ZNF723: variants seen among roughly 807,000 people sequenced by gnomAD.
ZNF723 encodes zinc finger protein 723, pseudogene.
In ZNF723, 5 loss-of-function variants were observed where a neutral mutation model predicts 9.4. The ratio of observed to expected loss-of-function variants is 0.53; its 90% confidence interval spans 0.28 to 1.12. The LOEUF is 1.12. Among genes scored for constraint, ZNF723 ranks in the 50% most tolerant of loss-of-function variants. The pLI is 0.10. For missense variants in ZNF723, 450 were observed against 501.5 expected, an observed-to-expected ratio of 0.90 and a Z score of 0.98; for synonymous variants, 158 against 168.8, an observed-to-expected ratio of 0.94 and a Z score of 0.49.
intron 1 of ZNF723, among the ~76,000 whole-genome samples, chr19:22,839,019 T>C (rs187492145): frequency 3.5e-3 from 539 of 152,310 alleles, no homozygotes; most frequent in Non-Finnish European, 5.9e-3. Context: ...AATGCTGGGA[T>C]TACGGGCATG....
the ZNF723 span, among the ~76,000 whole-genome samples, chr19:22,821,205 C>T: frequency 6.6e-6 from 1 of 152,188 alleles, no homozygotes; most frequent in Non-Finnish European, 1.5e-5. Context: ...TTTTGAATCT[C>T]ATTTCTGGAC....
chr19:22,814,157 G>T, the ZNF723 span, among the ~76,000 whole-genome samples: 1 of 151,964 alleles, frequency 6.6e-6, no homozygotes, highest in African/African-American at 2.4e-5. Flanking sequence ...GAAGGCTCTT[G>T]TATCTGGATT....
intron 1 of ZNF723, among the ~76,000 whole-genome samples, chr19:22,841,468 T>A (rs929692223): frequency 1.3e-5 from 2 of 152,206 alleles, no homozygotes; most frequent in African/African-American, 4.8e-5. Context: ...TTCTTTCTGT[T>A]CTATCATTTT....
At position 22,857,638 on chromosome 19, in the gene ZNF723, A is replaced by G; in HGVS notation, c.747A>G (p.Arg249=). ...NVSSSLNNHK[R]IHTGEKPYKC... ...CCTCAAGCCTTAATAATCATAAGAG[A>G]ATTCATACTGGAGAGAAACCCTACA... The change falls in exon 4 of 4, where the codon AGA becomes AGG. Residue 249 remains arginine, a synonymous_variant. Coordinates refer to ENST00000600766, the MANE Select transcript of ZNF723 (RefSeq NM_001349726.2). The G allele has an allele frequency of 7.8e-7, 1 of 1,276,426 alleles. No individual in the cohort carries two copies. Among genetic ancestry groups the G allele is most frequent in the Non-Finnish European group, 1.1e-6 (1 of 873,088 alleles). 79.1% of individuals were successfully genotyped at this position (1,276,426 alleles called of 1,614,324 possible). A position where few individuals can be genotyped will look rare whatever the true frequency, so the allele number is the denominator to read the frequency against.
chr19:22,853,697 C>T lies in ZNF723; in HGVS notation c.227-3421C>T, dbSNP rs184799816. 2.2e-4 allele frequency among the ~76,000 whole-genome samples: 34 copies of T among 152,296 alleles called. No individual in the cohort carries two copies. The East Asian group carries it at 6.2e-3, about 28-fold the overall frequency. On this transcript the variant is annotated intron_variant, in intron 3 of 3. Coordinates refer to ENST00000600766, the MANE Select transcript of ZNF723 (RefSeq NM_001349726.2). Reference sequence around the variant, plus strand: ...GGAGTGCAATGGCCTGATCTTGGCTCAGTGCAACCTCCTCCTCCCAGGTGA... The same window carrying T: ...GGAGTGCAATGGCCTGATCTTGGCTTAGTGCAACCTCCTCCTCCCAGGTGA...
rs1967514251 is a variant in ZNF723 at position 22,858,319 on chromosome 19, TAG to T, written c.1434_1435del (p.Lys479AlafsTer5). The T allele has an allele frequency of 8.8e-7, 1 of 1,141,268 alleles. No individual in the cohort carries two copies. The highest frequency in any genetic ancestry group is 1.8e-5 in the Admixed American group (1 of 55,242). 70.7% of individuals were successfully genotyped at this position (1,141,268 alleles called of 1,614,324 possible). On this transcript the variant is annotated frameshift_variant, in exon 4 of 4. Coordinates refer to ENST00000600766, the MANE Select transcript of ZNF723 (RefSeq NM_001349726.2). LOFTEE classifies it low-confidence loss of function (END_TRUNC). ...TTAATAAACATAAGATAATTCATGC[TAG>T]AGAGAAGCCTTACAAATGTGAAGAA... ...TLNKHKIIHAREKPYKCEECG... is the reference protein window; with the variant it reads ...TLNKHKIIHAXEKPYKCEECG...
intron 1 of ZNF723, among the ~76,000 whole-genome samples, chr19:22,836,461 G>T (rs1460300970): frequency 6.6e-6 from 1 of 152,202 alleles, no homozygotes; most frequent in Non-Finnish European, 1.5e-5. Context: ...CAAAGGATAG[G>T]CAGACAAGGG....
At position 22,833,922 on chromosome 19, in the gene ZNF723, C is replaced by T. The variant is rs539293082; in HGVS notation, c.3+1540C>T. Among the ~76,000 whole-genome samples, 353 of 127,050 alleles carry T rather than the reference C, an allele frequency of 2.8e-3. 3 individuals are homozygous for T. The highest frequency in any genetic ancestry group is 0.01 in the African/African-American group (337 of 33,266). 83.3% of individuals were successfully genotyped at this position (127,050 alleles called of 152,430 possible). A position where few individuals can be genotyped will look rare whatever the true frequency, so the allele number is the denominator to read the frequency against. Reference sequence around the variant, plus strand: ...CGCCCGGCCGCTATTTGTTTTTTAGCGTACTTTTTTTTTTTTTTTTTTTTT... The same window carrying T: ...CGCCCGGCCGCTATTTGTTTTTTAGTGTACTTTTTTTTTTTTTTTTTTTTT... On this transcript the variant is annotated intron_variant, in intron 1 of 3. Transcript: ENST00000600766.
the ZNF723 span, among the ~76,000 whole-genome samples, chr19:22,817,957 G>C: frequency 2.6e-5 from 4 of 152,088 alleles, no homozygotes; most frequent in African/African-American, 7.2e-5. Flanking sequence ...AATAAACAGA[G>C]CACACTTCTG....
In ZNF723 at chr19:22,848,789, C is replaced by A. The variant is rs183861074; in HGVS notation, c.130+402C>A. On this transcript the variant is annotated intron_variant, in intron 2 of 3. Transcript: ENST00000600766. ...TATTTATTTATGAGATGGAATGTTG[C>A]TGTTGCCCAGGCTGGAGTACAATGG... is the stretch of plus-strand genomic sequence containing the variant. Among the ~76,000 whole-genome samples the A allele has an allele frequency of 2.7e-5, 4 of 150,720 alleles. No individual in the cohort carries two copies. In the East Asian group the frequency reaches 7.9e-4, roughly 30 times the overall value.
the ZNF723 span, among the ~76,000 whole-genome samples, chr19:22,824,172 T>G: frequency 2.0e-5 from 3 of 152,190 alleles, no homozygotes; most frequent in Non-Finnish European, 4.4e-5. Context: ...GAAACCAGGA[T>G]AATGCAACAA....
upstream of ZNF723, among the ~76,000 whole-genome samples, chr19:22,829,564 C>T (rs1363552638): frequency 6.6e-6 from 1 of 152,050 alleles, no homozygotes; most frequent in South Asian, 2.1e-4. Flanking sequence ...GGATTACAGG[C>T]GTGAACAACC....
intron 1 of ZNF723, among the ~76,000 whole-genome samples, chr19:22,845,906 T>TTTTTTTTTTTG: frequency 7.0e-6 from 1 of 143,154 alleles, no homozygotes; most frequent in African/African-American, 2.6e-5. Context: ...TTTTTTTTTT[T>TTTTTTTTTTTG]TAGCTAAACA....
intron 1 of ZNF723, among the ~76,000 whole-genome samples, chr19:22,839,400 A>G (rs954294169): frequency 1.3e-5 from 2 of 151,420 alleles, no homozygotes; most frequent in African/African-American, 2.4e-5. Flanking sequence ...GAACTAATTT[A>G]CACTCCCACC....
At chr19:22,832,469 C>T in intron 1 of ZNF723, 87 bp downstream of exon 1, 1 of 1,249,378 alleles carries the variant, frequency 8.0e-7, no homozygotes, top group Non-Finnish European at 1.1e-6. Context: ...TCAGGCCTCC[C>T]TGCTGTCAGC....
upstream of ZNF723, among the ~76,000 whole-genome samples, chr19:22,830,959 C>T (rs1967087026): frequency 6.6e-6 from 1 of 151,902 alleles, no homozygotes; most frequent in African/African-American, 2.4e-5. Flanking sequence ...GACAGGGTTT[C>T]GCCATGTTGG....
Position 22,858,214 on chromosome 19 carries a change from T to C in ZNF723, c.1323T>C (p.Thr441=). The C allele has an allele frequency of 1.5e-6, 2 of 1,371,870 alleles. No homozygotes were observed. Among genetic ancestry groups the C allele is most frequent in the Admixed American group, 3.4e-5 (2 of 59,402 alleles). The allele number at this position is 1,371,870 out of a possible 1,614,324, so 85.0% of individuals were successfully genotyped here. A position where few individuals can be genotyped will look rare whatever the true frequency, so the allele number is the denominator to read the frequency against. The change falls in exon 4 of 4, where the codon ACT becomes ACC. Residue 441 remains threonine, a synonymous_variant. Coordinates refer to ENST00000600766, the MANE Select transcript of ZNF723 (RefSeq NM_001349726.2). ...GTTTTAGCCAATCCTCAACCCTTAC[T>C]AAACATAAGATAATTCATACTAAAG... ...GKGFSQSSTL[T]KHKIIHTKEK... is the part of the protein sequence containing the mutation.
At chr19:22,825,209 G>T in the ZNF723 span, among the ~76,000 whole-genome samples, 375 of 152,300 alleles carry the variant, frequency 2.5e-3, 1 homozygote, top group African/African-American at 8.6e-3. Context: ...TCTTGAGAAA[G>T]AATTCAACAT....
At chr19:22,843,840 G>A (rs942094327) in intron 1 of ZNF723, among the ~76,000 whole-genome samples, 1 of 152,048 alleles carries the variant, frequency 6.6e-6, no homozygotes, top group Non-Finnish European at 1.5e-5. Flanking sequence ...TTGCTTATTA[G>A]TATGCATTAT....
Sources: gnomAD v4.1 joint callset for allele counts (sites outside exome capture counted in the v4.1 genomes callset) on GRCh38, gnomAD v4.1.1 for gene constraint, MANE v1.5 for transcripts, NCBI Gene and HGNC (gene_info 2026-07-23, HGNC 2026-07-21) for gene names.